Variants in TMEM255B observed in about 807,000 individuals in gnomAD.
The protein encoded by TMEM255B is family with sequence similarity 70, member B.
Under a neutral mutation model 34.5 loss-of-function variants are expected in TMEM255B, and 35 were observed. The ratio of observed to expected loss-of-function variants is 1.01; its 90% CI spans 0.77 to 1.34. The LOEUF (loss-of-function observed/expected upper bound fraction) is 1.34, where lower values mean the gene tolerates loss of function less well. TMEM255B is among the 40% of genes most tolerant of loss of function. The pLI is 0.00. For missense variants in TMEM255B, 432 were observed against 433.2 expected, an observed-to-expected ratio of 1.00 and a Z score of 0.02; for synonymous variants, 206 against 201.2, an observed-to-expected ratio of 1.02 and a Z score of -0.20.
At chr13:113,804,621 C>G (rs2051130673) in intron 7 of TMEM255B, among the ~76,000 whole-genome samples, 1 of 144,142 alleles carries the variant, frequency 6.9e-6, no homozygotes, top group African/African-American at 2.6e-5. Context: ...GGGGTTAGCT[C>G]CAGCCTGGGT....
At chr13:113,760,573 G>A (rs1428668367) in intron 1 of TMEM255B, among the ~76,000 whole-genome samples, 3 of 152,090 alleles carry the variant, frequency 2.0e-5, no homozygotes, top group African/African-American at 7.2e-5. Context: ...AAGCATTGGT[G>A]TGTCTGGGGT....
At chr13:113,787,393 T>G (rs1415035702) in intron 3 of TMEM255B, among the ~76,000 whole-genome samples, 1 of 152,220 alleles carries the variant, frequency 6.6e-6, no homozygotes, top group Non-Finnish European at 1.5e-5. Flanking sequence ...GGGGAAGGCT[T>G]AAAAGGACAG....
Position 113,759,331 on chromosome 13 carries a change from G to C in TMEM255B, c.46+16G>C. 8.1e-7 allele frequency: 1 copy of C among 1,229,476 alleles called. No individual in the cohort carries two copies. The highest frequency in any genetic ancestry group is 1.6e-5 in the African/African-American group (1 of 64,388). 76.2% of individuals were successfully genotyped at this position (1,229,476 alleles called of 1,614,324 possible). On this transcript the variant is annotated intron_variant, in intron 1 of 8. Transcript: ENST00000375353. ...GACCCCGCAGGTGAGCGCGGGGCTG[G>C]GGGCTCGTCTCGGCTCCTGCGGGGG...
At position 113,801,629 on chromosome 13, in the gene TMEM255B, C is replaced by T. The variant is rs199685060; in HGVS notation, c.510-24C>T. 5.5e-5 allele frequency: 87 copies of T among 1,568,614 alleles called. No individual in the cohort carries two copies. The East Asian group carries it at 6.4e-4, about 11-fold the overall frequency. ...GGTGGTCACTTGCCTCGTGCGGTGA[C>T]GCCATGGTGCCCTCTCTGTGCAGCG... On this transcript the variant is annotated intron_variant, in intron 6 of 8. Transcript: ENST00000375353.
At chr13:113,811,613 T>TGTGTGAGG (rs2051310009) in intron 8 of TMEM255B, 123 bp from the exon 9 acceptor site, 1 of 1,092,802 alleles carries the variant, frequency 9.2e-7, no homozygotes, top group Non-Finnish European at 1.3e-6. Flanking sequence ...AGTCTGCGGG[T>TGTGTGAGG]GGCCCTGGGT....
chr13:113,777,192 G>C (rs976804478), intron 3 of TMEM255B, among the ~76,000 whole-genome samples: 1 of 152,022 alleles, frequency 6.6e-6, no homozygotes, highest in Non-Finnish European at 1.5e-5. Flanking sequence ...ACATGTCACC[G>C]GAGCCTCGGC....
At chr13:113,800,722 G>A in intron 5 of TMEM255B, 105 bp from the exon 6 acceptor site, 1 of 1,049,346 alleles carries the variant, frequency 9.5e-7, no homozygotes, top group Non-Finnish European at 1.4e-6. Context: ...TGCTTGGCTG[G>A]GCCTCAGTGG....
intron 5 of TMEM255B, chr13:113,800,129 T>A: frequency 1.9e-6 from 2 of 1,068,060 alleles, no homozygotes; most frequent in South Asian, 1.7e-5. Context: ...CCCGTGTGTG[T>A]TTAGGGGGGA....
intron 3 of TMEM255B, among the ~76,000 whole-genome samples, chr13:113,775,469 G>T (rs1021632387): frequency 6.6e-6 from 1 of 152,266 alleles, no homozygotes; most frequent in Non-Finnish European, 1.5e-5. Context: ...GTGGTTTCTG[G>T]GATCCCTGGA....
chr13:113,778,590 C>T (rs567539376), intron 3 of TMEM255B, among the ~76,000 whole-genome samples: 7 of 151,092 alleles, frequency 4.6e-5, no homozygotes, highest in Admixed American at 1.3e-4. Context: ...GGTACTGTGG[C>T]GTCTTCTCCC....
Position 113,759,227 on chromosome 13 carries a change from G to C in TMEM255B, c.-43G>C. ...GCCGCGAGGGCGGCTCCTGGCGGCG[G>C]GACTGTGGCTGTGGCCCCGGGAGAG... On this transcript the variant is annotated 5_prime_UTR_variant, in exon 1 of 9. Coordinates refer to ENST00000375353, the MANE Select transcript of TMEM255B (RefSeq NM_182614.4). 1.6e-6 allele frequency: 2 copies of C among 1,226,022 alleles called. No homozygotes were observed. Among genetic ancestry groups the C allele is most frequent in the Non-Finnish European group, 2.0e-6 (2 of 984,130 alleles). 75.9% of individuals were successfully genotyped at this position (1,226,022 alleles called of 1,614,324 possible). A position where few individuals can be genotyped will look rare whatever the true frequency, so the allele number is the denominator to read the frequency against.
chr13:113,791,135 C>T (rs144109005), intron 3 of TMEM255B, among the ~76,000 whole-genome samples: 73 of 152,298 alleles, frequency 4.8e-4, no homozygotes, highest in African/African-American at 1.5e-3. Context: ...CACCTCTCAA[C>T]GGTCTGGGCC....
chr13:113,774,581 C>G (rs1319383226), intron 3 of TMEM255B, among the ~76,000 whole-genome samples: 1 of 145,304 alleles, frequency 6.9e-6, no homozygotes, highest in Non-Finnish European at 1.5e-5. Flanking sequence ...ATGACACACA[C>G]ACCACACAAC....
intron 3 of TMEM255B, among the ~76,000 whole-genome samples, chr13:113,791,819 G>A (rs2050837452): frequency 6.6e-6 from 1 of 152,246 alleles, no homozygotes; most frequent in Non-Finnish European, 1.5e-5. Context: ...GAGTTCTTAA[G>A]GAGCGTGTGC....
At chr13:113,773,540 G>T (rs1234118837) in intron 3 of TMEM255B, among the ~76,000 whole-genome samples, 1 of 152,202 alleles carries the variant, frequency 6.6e-6, no homozygotes, top group African/African-American at 2.4e-5. Context: ...TTCCCTCACT[G>T]GGGTGAGGAA....
chr13:113,801,204 G>C (rs1463988417), intron 6 of TMEM255B, among the ~76,000 whole-genome samples: 1 of 152,206 alleles, frequency 6.6e-6, no homozygotes, highest in Non-Finnish European at 1.5e-5. Flanking sequence ...AAAGACAGAG[G>C]CTCTGAAATG....
At chr13:113,799,838 A>G in intron 5 of TMEM255B, 1 of 651,894 alleles carries the variant, frequency 1.5e-6, no homozygotes, top group Non-Finnish European at 2.7e-6. Context: ...TGCGGGGAGT[A>G]ATGACCCGCG....
rs1360032215 is a variant in TMEM255B at position 113,813,141 on chromosome 13, C to T, written c.*1238C>T. 8 of 151,354 alleles carry T rather than the reference C, an allele frequency of 5.3e-5. No individual in the cohort carries two copies. The highest frequency in any genetic ancestry group is 1.2e-4 in the Non-Finnish European group (8 of 67,814). 9.4% of individuals were successfully genotyped at this position (151,354 alleles called of 1,614,324 possible). A position where few individuals can be genotyped will look rare whatever the true frequency, so the allele number is the denominator to read the frequency against. ...TTTCTCTGAACTCCTGAAGTCAGAT[C>T]CTCAGGGAACCAGGGACTCCCAGGG... On this transcript the variant is annotated 3_prime_UTR_variant, in exon 9 of 9. Coordinates refer to ENST00000375353, the MANE Select transcript of TMEM255B (RefSeq NM_182614.4).
At chr13:113,779,664 T>C (rs902091817) in intron 3 of TMEM255B, among the ~76,000 whole-genome samples, 2 of 152,174 alleles carry the variant, frequency 1.3e-5, no homozygotes, top group Non-Finnish European at 2.9e-5. Flanking sequence ...ATACATCTCG[T>C]CTTCAGCTTA....
Sources: allele counts gnomAD v4.1 joint callset (sites outside exome capture counted in the v4.1 genomes callset), GRCh38; gene constraint gnomAD v4.1.1; transcripts MANE v1.5; gene names NCBI Gene and HGNC (gene_info 2026-07-23, HGNC 2026-07-21).